SDK2: variants seen among roughly 807,000 people sequenced by gnomAD.
SDK2 encodes protein sidekick-2.
Under a neutral mutation model 253.9 loss-of-function variants are expected in SDK2, and 105 were observed. That is an observed-to-expected ratio of 0.41 (90% confidence interval 0.35 to 0.49). The LOEUF (loss-of-function observed/expected upper bound fraction) is 0.49. Among genes scored for constraint, SDK2 ranks in the 20% least tolerant of loss-of-function variants. SDK2 has a pLI of 0.06. For synonymous variants in SDK2, 1,249 were observed against 1,234.9 expected (o/e 1.01, Z -0.24); for missense variants, 2,608 against 3,003.0 (o/e 0.87, Z 3.07).
chr17:73,353,922 C>G (rs1231258801), intron 40 of SDK2, among the ~76,000 whole-genome samples: 1 of 152,042 alleles, frequency 6.6e-6, no homozygotes, highest in African/African-American at 2.4e-5. Context: ...CCAGGCTGGT[C>G]TTGAACTCCT....
intron 2 of SDK2, among the ~76,000 whole-genome samples, chr17:73,480,851 A>G (rs1368535062): frequency 6.6e-6 from 1 of 152,178 alleles, no homozygotes; most frequent in Non-Finnish European, 1.5e-5. Context: ...AGGGAGGGTG[A>G]TGTCAGCTGC....
intron 1 of SDK2, among the ~76,000 whole-genome samples, chr17:73,588,387 CAAAAAAAAA>C (rs1215654213): frequency 4.9e-4 from 29 of 59,026 alleles, no homozygotes; most frequent in South Asian, 1.6e-3. Context: ...AACTCCATCT[CAAAAAAAAA>C]AAAAAAAAAA....
chr17:73,556,972 C>G (rs1355705479), intron 1 of SDK2, among the ~76,000 whole-genome samples: 1 of 152,216 alleles, frequency 6.6e-6, no homozygotes, highest in African/African-American at 2.4e-5. Flanking sequence ...AGATTGGAAA[C>G]AAACCTTAGC....
chr17:73,369,433 GAAT>G (rs1449837340), intron 36 of SDK2, among the ~76,000 whole-genome samples: 7 of 152,262 alleles, frequency 4.6e-5, no homozygotes, highest in Non-Finnish European at 8.8e-5. Flanking sequence ...GCGGGAGGCT[GAAT>G]CCCAGCTGCA....
chr17:73,601,013 TAA>T (rs536396540), intron 1 of SDK2, among the ~76,000 whole-genome samples: 1 of 151,376 alleles, frequency 6.6e-6, no homozygotes, highest in African/African-American at 2.4e-5. Flanking sequence ...TTTTATTATT[TAA>T]AAAAAAATTT....
intron 1 of SDK2, among the ~76,000 whole-genome samples, chr17:73,626,398 G>A (rs568799270): frequency 5.3e-5 from 8 of 152,322 alleles, no homozygotes; most frequent in African/African-American, 1.7e-4. Flanking sequence ...AATGCACGGC[G>A]CCCAGCTATG....
chr17:73,482,485 GA>G (rs1215050888), intron 2 of SDK2, among the ~76,000 whole-genome samples: 3 of 152,366 alleles, frequency 2.0e-5, no homozygotes, highest in Admixed American at 2.0e-4. Context: ...CGCTTTGCCA[GA>G]AAAGCCCGTG....
chr17:73,606,806 A>G (rs1476568091), intron 1 of SDK2, among the ~76,000 whole-genome samples: 3 of 152,216 alleles, frequency 2.0e-5, no homozygotes, highest in Admixed American at 6.5e-5. Context: ...TCACGGAAAC[A>G]TATTCTCCAT....
At chr17:73,509,759 G>A (rs2063964183) in intron 1 of SDK2, among the ~76,000 whole-genome samples, 1 of 150,978 alleles carries the variant, frequency 6.6e-6, no homozygotes, top group South Asian at 2.1e-4. Context: ...AATTAGCTGG[G>A]CATGGTGGCA....
intron 1 of SDK2, among the ~76,000 whole-genome samples, chr17:73,603,632 T>C (rs2045870523): frequency 6.6e-6 from 1 of 152,218 alleles, no homozygotes; most frequent in African/African-American, 2.4e-5. Context: ...GCTTCCCAGT[T>C]CTGTGCCAGG....
chr17:73,375,191 C>G (rs1568371073), intron 36 of SDK2, among the ~76,000 whole-genome samples: 1 of 141,090 alleles, frequency 7.1e-6, no homozygotes, highest in Non-Finnish European at 1.5e-5. Flanking sequence ...CAGGTTTTTG[C>G]TCAAATATCA....
chr17:73,383,883 C>T lies in SDK2; in HGVS notation c.4698G>A (p.Glu1566=). 2 of 1,613,990 alleles carry T rather than the reference C, an allele frequency of 1.2e-6. No individual in the cohort carries two copies. Among genetic ancestry groups the T allele is most frequent in the Non-Finnish European group, 1.7e-6 (2 of 1,179,880 alleles). ...CTCCCAAGTGTCACTCACAGGTAAGCTCAGCCCATGTGGCCCCTGGGTTGT... is the reference window on the plus strand; with the variant it reads ...CTCCCAAGTGTCACTCACAGGTAAGTTCAGCCCATGTGGCCCCTGGGTTGT... The part of the protein sequence containing the change: ...GINNPGATWA[E]LTSMYSMRNL... Residue 1566 remains glutamate, a synonymous_variant, in exon 33 of 45, where the codon GAG becomes GAA. Transcript: ENST00000392650. The surrounding 1 kb of genome is among the most constrained non-coding windows in gnomAD (Gnocchi z 4.3).
intron 36 of SDK2, among the ~76,000 whole-genome samples, chr17:73,375,891 A>AAATAAAATAAAAT (rs746913907): frequency 2.0e-5 from 3 of 151,324 alleles, no homozygotes; most frequent in South Asian, 2.1e-4. Flanking sequence ...AAATAAACTA[A>AAATAAAATAAAAT]ACTAAAATAA....
chr17:73,478,161 C>T (rs894513817), intron 2 of SDK2, among the ~76,000 whole-genome samples: 2 of 152,144 alleles, frequency 1.3e-5, no homozygotes, highest in Admixed American at 6.5e-5. Context: ...TATGCAAATG[C>T]AAGCAAATAC....
At chr17:73,423,812 A>T in intron 13 of SDK2, 104 bp downstream of exon 13, 1 of 964,188 alleles carries the variant, frequency 1.0e-6, no homozygotes, top group Non-Finnish European at 1.5e-6. Context: ...AGTTCAGGTC[A>T]CACGTGGCCT....
At chr17:73,599,507 C>A (rs1204116041) in intron 1 of SDK2, among the ~76,000 whole-genome samples, 3 of 150,694 alleles carry the variant, frequency 2.0e-5, no homozygotes, top group African/African-American at 7.4e-5. Flanking sequence ...TGCACTCCAG[C>A]CTGGATGACA....
intron 37 of SDK2, among the ~76,000 whole-genome samples, chr17:73,367,324 T>TAATCCC (rs2062693835): frequency 6.6e-6 from 1 of 152,006 alleles, no homozygotes; most frequent in Non-Finnish European, 1.5e-5. Flanking sequence ...TACTTATAAT[T>TAATCCC]AATCCCAATC....
chr17:73,485,207 G>T (rs747278723), intron 2 of SDK2, among the ~76,000 whole-genome samples: 37 of 152,132 alleles, frequency 2.4e-4, no homozygotes, highest in Non-Finnish European at 4.1e-4. Flanking sequence ...GTGGAGAGGT[G>T]GGAGCTGGGC....
At chr17:73,563,998 C>T (rs1251123791) in intron 1 of SDK2, among the ~76,000 whole-genome samples, 10 of 152,240 alleles carry the variant, frequency 6.6e-5, no homozygotes, top group African/African-American at 9.6e-5. Context: ...TAGGCTCAAG[C>T]GATCCACCCA....
Sources: allele counts gnomAD v4.1 joint callset (sites outside exome capture counted in the v4.1 genomes callset), GRCh38; gene constraint gnomAD v4.1.1; non-coding constraint Gnocchi (gnomAD v3.1); transcripts MANE v1.5; gene names NCBI Gene and HGNC (gene_info 2026-07-23, HGNC 2026-07-21).